Variants in KCNK2 observed in about 807,000 individuals in gnomAD.
The protein encoded by KCNK2 is potassium two pore domain channel subfamily K member 2.
A neutral mutation model predicts 40.5 loss-of-function variants in KCNK2; 21 were observed. That is an observed-to-expected ratio of 0.52 (90% confidence interval 0.37 to 0.75). The LOEUF is 0.75. Ranked by LOEUF, KCNK2 falls within the 30% of genes least tolerant of loss-of-function variation. KCNK2 has a pLI of 0.00. For synonymous variants in KCNK2, 191 were observed against 202.2 expected, an observed-to-expected ratio of 0.94 and a Z score of 0.47; for missense variants, 399 against 531.6, an observed-to-expected ratio of 0.75 and a Z score of 2.45.
chr1:215,096,908 C>T (rs1660000080), intron 2 of KCNK2, among the ~76,000 whole-genome samples: 1 of 151,740 alleles, frequency 6.6e-6, no homozygotes, highest in Non-Finnish European at 1.5e-5. Context: ...TCTCTCGACC[C>T]TTCTAATTTT....
intron 6 of KCNK2, among the ~76,000 whole-genome samples, chr1:215,230,007 C>T (rs561535076): frequency 6.9e-6 from 1 of 145,840 alleles, no homozygotes; most frequent in Non-Finnish European, 1.5e-5. Flanking sequence ...CAGATATGCA[C>T]ACACACAGAT....
intron 1 of KCNK2, among the ~76,000 whole-genome samples, chr1:215,053,545 G>T (rs1658059688): frequency 6.6e-6 from 1 of 152,200 alleles, no homozygotes. Flanking sequence ...TTTCTGAACA[G>T]AGAATTCCTC....
intron 6 of KCNK2, among the ~76,000 whole-genome samples, chr1:215,195,552 G>C (rs570536573): frequency 1.3e-5 from 2 of 151,742 alleles, no homozygotes; most frequent in African/African-American, 4.8e-5. Context: ...AAATTTGTAC[G>C]TACACATGTA....
At chr1:215,115,917 A>C (rs1358137169) in intron 2 of KCNK2, among the ~76,000 whole-genome samples, 5 of 150,502 alleles carry the variant, frequency 3.3e-5, no homozygotes, top group African/African-American at 1.2e-4. Context: ...TCACATATGT[A>C]GACTGGCTCC....
At chr1:215,092,491 A>T (rs1659732257) in intron 2 of KCNK2, among the ~76,000 whole-genome samples, 4 of 152,206 alleles carry the variant, frequency 2.6e-5, no homozygotes, top group Admixed American at 1.3e-4. Flanking sequence ...ATATAGCAGC[A>T]GTACCCAAGT....
At chr1:215,152,987 A>G (rs917225973) in intron 3 of KCNK2, among the ~76,000 whole-genome samples, 1 of 152,218 alleles carries the variant, frequency 6.6e-6, no homozygotes, top group African/African-American at 2.4e-5. Context: ...AAGAGATTCA[A>G]GATTTTCAGG....
rs75982039 is a variant in KCNK2 at position 215,215,958 on chromosome 1, C to T, written c.964-18870C>T. 7.5e-3 allele frequency among the ~76,000 whole-genome samples: 1,148 copies of T among 152,230 alleles called. 15 individuals are homozygous for T. Among genetic ancestry groups the T allele is most frequent in the African/African-American group, 0.026 (1,067 of 41,554 alleles). ...CCTTTTCTTCCTGTTTCTTAGGCAT[C>T]GTCATTACAGTTTAGCCAAGTTAAT... is the stretch of plus-strand genomic sequence containing the variant. On this transcript the variant is annotated intron_variant, in intron 6 of 6. Coordinates refer to ENST00000444842, the MANE Select transcript of KCNK2 (RefSeq NM_001017425.3).
chr1:215,132,885 A>G (rs1263907312), intron 3 of KCNK2, among the ~76,000 whole-genome samples: 3 of 152,244 alleles, frequency 2.0e-5, no homozygotes, highest in Non-Finnish European at 4.4e-5. Flanking sequence ...AGCAATAATG[A>G]AATAGATTAG....
Position 215,169,257 on chromosome 1 carries a change from C to G in KCNK2, c.534C>G (p.Ala178=). 6.2e-7 allele frequency: 1 copy of G among 1,613,174 alleles called. No homozygotes were observed. The highest frequency in any genetic ancestry group is 8.5e-7 in the Non-Finnish European group (1 of 1,179,394). Residue 178 remains alanine, a synonymous_variant, in exon 4 of 7, where the codon GCC becomes GCG. Transcript: ENST00000444842. ...GCAAAATATTCTGTATCATCTATGC[C>G]TTACTGGGAATTCCCCTCTTTGGTT... ...EGGKIFCIIY[A]LLGIPLFGFL...
At position 215,169,189 on chromosome 1, in the gene KCNK2, T is replaced by C. The variant is rs753032177; in HGVS notation, c.476-10T>C. 1.1e-5 allele frequency: 18 copies of C among 1,585,382 alleles called. 1 individual carries two copies. In the East Asian group the frequency reaches 3.1e-4, roughly 28 times the overall value. On this transcript the variant is annotated splice_polypyrimidine_tract_variant and intron_variant, in intron 3 of 6. Coordinates refer to ENST00000444842, the MANE Select transcript of KCNK2 (RefSeq NM_001017425.3). ...ATTATTCATTTGTAAACAATGTAAT[T>C]TTTTTAAAGGATTTGGAAACATCTC...
intron 2 of KCNK2, among the ~76,000 whole-genome samples, chr1:215,097,544 C>A (rs1458872630): frequency 6.6e-6 from 1 of 151,716 alleles, no homozygotes; most frequent in Non-Finnish European, 1.5e-5. Flanking sequence ...ATTTTCTTGT[C>A]CTCTGCTACC....
chr1:215,032,265 G>T (rs1490083379), intron 1 of KCNK2, among the ~76,000 whole-genome samples: 1 of 151,738 alleles, frequency 6.6e-6, no homozygotes, highest in Non-Finnish European at 1.5e-5. Context: ...TTAAAATTAG[G>T]CGGGTATGGT....
intron 2 of KCNK2, among the ~76,000 whole-genome samples, chr1:215,089,335 G>A (rs546319708): frequency 2.0e-5 from 3 of 152,234 alleles, no homozygotes; most frequent in African/African-American, 7.2e-5. Flanking sequence ...GCTGAGGGGG[G>A]AAACAGTTGG....
At chr1:215,088,151 A>G (rs1200816619) in intron 2 of KCNK2, among the ~76,000 whole-genome samples, 1 of 151,896 alleles carries the variant, frequency 6.6e-6, no homozygotes, top group African/African-American at 2.4e-5. Flanking sequence ...TCTTTGGGCC[A>G]CATAGACCTA....
At chr1:215,168,153 G>A (rs1442348267) in intron 3 of KCNK2, among the ~76,000 whole-genome samples, 3 of 152,012 alleles carry the variant, frequency 2.0e-5, no homozygotes, top group Non-Finnish European at 2.9e-5. Context: ...CAAATCAAAA[G>A]CACAATGAGA....
rs1172563593 is a variant in KCNK2, at chr1:215,170,861, T to C, written c.637-1136T>C. ...CTCCTAGATGCTGGGTAATATTTTT[T>C]ATGTTGCATATATACCAGTGCATAA... On this transcript the variant is annotated intron_variant, in intron 4 of 6. Transcript: ENST00000444842. 3.3e-5 allele frequency among the ~76,000 whole-genome samples: 5 copies of C among 152,192 alleles called. No homozygotes were observed. The East Asian group carries it at 7.7e-4, about 23-fold the overall frequency.
rs1448686078 is a variant in KCNK2 at position 215,187,849 on chromosome 1, T to A, written c.824-7104T>A. On this transcript the variant is annotated intron_variant, in intron 5 of 6. Coordinates refer to ENST00000444842, the MANE Select transcript of KCNK2 (RefSeq NM_001017425.3). Reference sequence around the variant, plus strand: ...AGAGCAAGACCCTGTCTCAAAAATTTAAAAAAAAAAAAAAAAAAGAGGAAA... The same window carrying A: ...AGAGCAAGACCCTGTCTCAAAAATTAAAAAAAAAAAAAAAAAAAGAGGAAA... Among the ~76,000 whole-genome samples the A allele has an allele frequency of 4.6e-3, 452 of 97,264 alleles. 2 individuals are homozygous for A. Among genetic ancestry groups the A allele is most frequent in the African/African-American group, 0.017 (341 of 20,644 alleles). 63.8% of individuals were successfully genotyped at this position (97,264 alleles called of 152,430 possible).
At chr1:215,040,720 C>T (rs79548515) in intron 1 of KCNK2, among the ~76,000 whole-genome samples, 1,620 of 152,248 alleles carry the variant, frequency 0.011, 25 homozygotes, top group South Asian at 0.074. Context: ...AGGTCTTGAG[C>T]AAACCAGTTC....
At chr1:215,013,755 T>G (rs2841613) in intron 1 of KCNK2, among the ~76,000 whole-genome samples, 85,277 of 152,004 alleles carry the variant, frequency 0.56, 25,603 homozygotes, top group South Asian at 0.78. Flanking sequence ...TTGGATTGAT[T>G]TTTGCATATT....
Sources: gnomAD v4.1 joint callset for allele counts (sites outside exome capture counted in the v4.1 genomes callset) on GRCh38, gnomAD v4.1.1 for gene constraint, MANE v1.5 for transcripts, NCBI Gene and HGNC (gene_info 2026-07-23, HGNC 2026-07-21) for gene names.